The following CFAP20 variants were observed in gnomAD, a reference collection of about 807,000 sequenced individuals.
The protein encoded by CFAP20 is cilia- and flagella-associated protein 20.
In CFAP20, 14 loss-of-function variants were observed where a neutral mutation model predicts 25.5. That is an observed-to-expected ratio of 0.55 (90% CI 0.36 to 0.86). The LOEUF (loss-of-function observed/expected upper bound fraction) is 0.86. Ranked by LOEUF, CFAP20 falls within the 40% of genes least tolerant of loss-of-function variation. The pLI is 0.01. For synonymous variants in CFAP20, 75 were observed against 91.1 expected, an observed-to-expected ratio of 0.82 and a Z score of 1.01; for missense variants, 181 against 248.0, an observed-to-expected ratio of 0.73 and a Z score of 1.81.
At chr16:58,117,871 T>C (rs1160476734) in intron 1 of CFAP20, among the ~76,000 whole-genome samples, 1 of 152,230 alleles carries the variant, frequency 6.6e-6, no homozygotes, top group African/African-American at 2.4e-5. Flanking sequence ...CCTAATTTTC[T>C]ACTTTTTAAA....
intron 1 of CFAP20, chr16:58,119,258 A>G (rs901585410): frequency 1.3e-5 from 2 of 152,158 alleles, no homozygotes; most frequent in African/African-American, 2.4e-5. Flanking sequence ...TTGTCTCCTT[A>G]AAAAAGAATA....
chr16:58,116,002 T>C, intron 3 of CFAP20, 39 bp downstream of exon 3: 1 of 1,419,386 alleles, frequency 7.0e-7, no homozygotes. Context: ...ATCACTTTGG[T>C]ATAGCCAAGA....
At chr16:58,122,251 T>A (rs1347980265) in intron 1 of CFAP20, among the ~76,000 whole-genome samples, 1 of 152,118 alleles carries the variant, frequency 6.6e-6, no homozygotes, top group Non-Finnish European at 1.5e-5. Flanking sequence ...TAAGGACAAT[T>A]ATGTGCACAG....
chr16:58,115,390 T>C lies in CFAP20; in HGVS notation c.344A>G (p.Lys115Arg). The C allele has an allele frequency of 1.2e-6, 2 of 1,614,228 alleles. No homozygotes were observed. The highest frequency in any genetic ancestry group is 1.7e-6 in the Non-Finnish European group (2 of 1,180,038). The change falls in exon 4 of 6, where the codon AAA becomes AGA. Residue 115 changes from lysine (K) to arginine (R), a missense_variant. By Grantham distance (26) the Lys-to-Arg change is conservative (BLOSUM62 2). Transcript: ENST00000262498. Reference protein sequence around the residue: ...ASNYQSTTRVKPFICTMPMRL... With the variant: ...ASNYQSTTRVRPFICTMPMRL... ...CATGGGCATGGTGCAGATGAAGGGT[T>C]TGACCCGGGTGGTGCTCTGGTAGTT...
intron 1 of CFAP20, among the ~76,000 whole-genome samples, chr16:58,122,355 A>G (rs943175827): frequency 6.6e-6 from 1 of 152,110 alleles, no homozygotes; most frequent in Admixed American, 6.5e-5. Context: ...CTGAGGTGGG[A>G]GGATCACCTG....
At chr16:58,124,012 G>C (rs545043045) in intron 1 of CFAP20, among the ~76,000 whole-genome samples, 1 of 152,174 alleles carries the variant, frequency 6.6e-6, no homozygotes, top group Non-Finnish European at 1.5e-5. Flanking sequence ...GGTGGTGAGG[G>C]GCAGCGCCCA....
intron 1 of CFAP20, among the ~76,000 whole-genome samples, chr16:58,120,392 G>A (rs1463800819): frequency 2.0e-5 from 3 of 152,268 alleles, no homozygotes; most frequent in East Asian, 3.9e-4. Context: ...CATCACTCAA[G>A]CTCTCTCTGG....
At chr16:58,120,699 G>A (rs1960523390) in intron 1 of CFAP20, among the ~76,000 whole-genome samples, 1 of 152,144 alleles carries the variant, frequency 6.6e-6, no homozygotes, top group Non-Finnish European at 1.5e-5. Context: ...TTCTCCCAGT[G>A]TTACTAGATA....
At chr16:58,115,070 G>A (rs1397672226) in intron 4 of CFAP20, 150 bp from the exon 5 acceptor site, 2 of 970,930 alleles carry the variant, frequency 2.1e-6, no homozygotes, top group African/African-American at 1.6e-5. Flanking sequence ...CAAGAGGGAG[G>A]TCTTACTTGC....
intron 1 of CFAP20, among the ~76,000 whole-genome samples, chr16:58,128,098 A>G (rs1415627001): frequency 6.6e-6 from 1 of 152,236 alleles, no homozygotes; most frequent in Non-Finnish European, 1.5e-5. Context: ...GCCTCCCGTA[A>G]CTTATATTCA....
In CFAP20 at chr16:58,116,055, TAA is replaced by T; in HGVS notation, c.260_261del (p.Phe87TyrfsTer9). ...VMIIKNLKKY[F>X]TFEVQVLDDK... ...CACATACTTACCTGCACTTCGAAGGTAAAATACTTCTTCAGGTTTTTGATAAT... is the reference window on the plus strand; with the variant it reads ...CACATACTTACCTGCACTTCGAAGGTAATACTTCTTCAGGTTTTTGATAAT... On this transcript the variant is annotated frameshift_variant, in exon 3 of 6. Coordinates refer to ENST00000262498, the MANE Select transcript of CFAP20 (RefSeq NM_013242.3). LOFTEE classifies it high-confidence loss of function. The T allele has an allele frequency of 6.2e-7, 1 of 1,608,866 alleles. No homozygotes were observed. Among genetic ancestry groups the T allele is most frequent in the Non-Finnish European group, 8.5e-7 (1 of 1,175,188 alleles).
intron 1 of CFAP20, among the ~76,000 whole-genome samples, chr16:58,121,429 C>T (rs571142453): frequency 6.6e-5 from 10 of 152,078 alleles, no homozygotes; most frequent in Non-Finnish European, 1.2e-4. Context: ...CACAAAGAGC[C>T]GACTGTTTTT....
rs1481992087 is a variant in CFAP20 at position 58,113,658 on chromosome 16, T to C, written c.*367A>G. ...ATGAGTATGACACAGCATATACATA[T>C]ATTTAGATAATATATAAAACATAGA... On this transcript the variant is annotated 3_prime_UTR_variant, in exon 6 of 6. Transcript: ENST00000262498. 2 of 206,858 alleles carry C rather than the reference T, an allele frequency of 9.7e-6. No homozygotes were observed. Among genetic ancestry groups the C allele is most frequent in the East Asian group, 2.1e-4 (2 of 9,648 alleles). 12.8% of individuals were successfully genotyped at this position (206,858 alleles called of 1,614,324 possible).
chr16:58,126,445 G>A (rs942063514), intron 1 of CFAP20, among the ~76,000 whole-genome samples: 3 of 152,160 alleles, frequency 2.0e-5, no homozygotes, highest in African/African-American at 7.2e-5. Flanking sequence ...CTTCTATGCA[G>A]ACAGAGCCTA....
chr16:58,113,733 T>A lies in CFAP20; in HGVS notation c.*292A>T, dbSNP rs1159476493. The A allele has an allele frequency of 2.5e-6, 1 of 398,964 alleles. No individual in the cohort carries two copies. Among genetic ancestry groups the A allele is most frequent in the African/African-American group, 2.0e-5 (1 of 50,294 alleles). 24.7% of individuals were successfully genotyped at this position (398,964 alleles called of 1,614,324 possible). On this transcript the variant is annotated 3_prime_UTR_variant, in exon 6 of 6. Coordinates refer to ENST00000262498, the MANE Select transcript of CFAP20 (RefSeq NM_013242.3). ...TCTGGAATTCCTTATGGGCCATCTTTAATTCTGTAAGTTCATGGTAAAGGT... is the reference window on the plus strand; with the variant it reads ...TCTGGAATTCCTTATGGGCCATCTTAAATTCTGTAAGTTCATGGTAAAGGT...
Position 58,114,949 on chromosome 16 carries a change from C to T in CFAP20, c.466-29G>A, listed in dbSNP as rs201403989. 5.6e-5 allele frequency: 87 copies of T among 1,552,670 alleles called. 1 individual carries two copies. Among genetic ancestry groups the T allele is most frequent in the South Asian group, 1.4e-4 (13 of 89,762 alleles). ...TCAAGGCAATGCTTCTTTTGAGAGG[C>T]GAAATGTGACTGTTCTCCCCCTTTT... On this transcript the variant is annotated intron_variant, in intron 4 of 5. Coordinates refer to ENST00000262498, the MANE Select transcript of CFAP20 (RefSeq NM_013242.3).
chr16:58,116,638 CATTT>C (rs1333085043), intron 2 of CFAP20: 1 of 528,372 alleles, frequency 1.9e-6, no homozygotes, highest in Non-Finnish European at 3.3e-6. Context: ...TATATATATT[CATTT>C]ATTTACTCCT....
chr16:58,115,601 T>C (rs545078579), intron 3 of CFAP20, 144 bp from the exon 4 acceptor site: 4 of 930,394 alleles, frequency 4.3e-6, no homozygotes, highest in Admixed American at 4.9e-5. Flanking sequence ...ACACAGGTCA[T>C]ACACTGCATG....
chr16:58,119,963 C>A lies in CFAP20; in HGVS notation c.85-3012G>T, dbSNP rs55823199. ...AAGTGCCCACCTCACTCGCCATCTA[C>A]TGTTCCCAACCTAAGTGCCCACCTC... On this transcript the variant is annotated intron_variant, in intron 1 of 5. Transcript: ENST00000262498. Among the ~76,000 whole-genome samples, 6 of 64,602 alleles carry A rather than the reference C, an allele frequency of 9.3e-5. No individual in the cohort carries two copies. The East Asian group carries it at 3.2e-3, about 34-fold the overall frequency. 42.4% of individuals were successfully genotyped at this position (64,602 alleles called of 152,430 possible).
Sources: gnomAD v4.1 joint callset for allele counts (sites outside exome capture counted in the v4.1 genomes callset) on GRCh38, gnomAD v4.1.1 for gene constraint, MANE v1.5 for transcripts, NCBI Gene and HGNC (gene_info 2026-07-23, HGNC 2026-07-21) for gene names.